COL18A1: variants seen among roughly 807,000 people sequenced by gnomAD.
COL18A1 encodes the protein collagen alpha-1(XVIII) chain.
COL18A1 carries 133 observed loss-of-function variants against 168.0 expected under a neutral mutation model. The observed-to-expected ratio is 0.79, with a 90% CI of 0.69 to 0.91. The LOEUF is 0.91. COL18A1 is among the 40% of genes least tolerant of loss of function. COL18A1 has a pLI of 0.00. For synonymous variants in COL18A1, 949 were observed against 809.0 expected (o/e 1.17, Z -2.94); for missense variants, 2,126 against 1,925.4 (o/e 1.10, Z -1.95).
At chr21:45,479,629 C>A (rs1239303174) in intron 9 of COL18A1, among the ~76,000 whole-genome samples, 5 of 152,122 alleles carry the variant, frequency 3.3e-5, no homozygotes, top group Non-Finnish European at 7.4e-5. Flanking sequence ...GTATGTAACA[C>A]CCAAGCACCA....
intron 37 of COL18A1, 75 bp downstream of exon 37, chr21:45,506,041 A>G (rs745472433): frequency 6.2e-7 from 1 of 1,607,848 alleles, no homozygotes; most frequent in Non-Finnish European, 8.5e-7. Context: ...GGAAGGCGAG[A>G]GGCTCAGGCC....
chr21:45,426,101 G>A (rs991861300), intron 2 of COL18A1, among the ~76,000 whole-genome samples: 1 of 151,960 alleles, frequency 6.6e-6, no homozygotes, highest in Non-Finnish European at 1.5e-5. Context: ...AGTGACTTTC[G>A]AGTTACTTTT....
chr21:45,452,470 TGTAC>T (rs2034643938), intron 2 of COL18A1, among the ~76,000 whole-genome samples: 2 of 151,122 alleles, frequency 1.3e-5, no homozygotes, highest in Admixed American at 1.3e-4. Context: ...TGAGCATATA[TGTAC>T]GTGTGTGTTT....
intron 2 of COL18A1, among the ~76,000 whole-genome samples, chr21:45,416,932 T>G (rs1184595296): frequency 6.6e-6 from 1 of 152,240 alleles, no homozygotes; most frequent in Non-Finnish European, 1.5e-5. Flanking sequence ...GTGACAGTGC[T>G]TTCAGTGTCA....
chr21:45,452,225 A>G lies in COL18A1; in HGVS notation c.107-16017A>G, dbSNP rs551744577. On this transcript the variant is annotated intron_variant, in intron 2 of 41. Transcript: ENST00000651438. ...GGGAAGGAGGCCTGGATCCCTGGCC[A>G]TGCTGCTAGCAGGACTTGGGCAACA... is the stretch of plus-strand genomic sequence containing the variant. Among the ~76,000 whole-genome samples, 176 of 152,352 alleles carry G rather than the reference A, an allele frequency of 1.2e-3. 4 individuals carry two copies. The South Asian group carries it at 0.035, about 31-fold the overall frequency.
At chr21:45,486,069 C>T (rs184250486) in intron 15 of COL18A1, among the ~76,000 whole-genome samples, 2 of 152,348 alleles carry the variant, frequency 1.3e-5, no homozygotes, top group East Asian at 3.9e-4. Context: ...ACGCCCCCCA[C>T]ACCGGGCTCT....
At chr21:45,426,249 C>T (rs1423723203) in intron 2 of COL18A1, among the ~76,000 whole-genome samples, 1 of 152,152 alleles carries the variant, frequency 6.6e-6, no homozygotes, top group Non-Finnish European at 1.5e-5. Context: ...GAATTACAGG[C>T]GCCCGCCACC....
rs78555948 is a variant in COL18A1 at position 45,503,900 on chromosome 21, C to G, written c.2684-111C>G. 2.7e-5 allele frequency: 30 copies of G among 1,114,938 alleles called. No homozygotes were observed. In the East Asian group the frequency reaches 5.4e-4, roughly 20 times the overall value. 69.1% of individuals were successfully genotyped at this position (1,114,938 alleles called of 1,614,324 possible). ...CTAATTAAATACGCGATCTCTACCGCGAAATGGCTAGAAGGGCCTCAGGCA... is the reference window on the plus strand; with the variant it reads ...CTAATTAAATACGCGATCTCTACCGGGAAATGGCTAGAAGGGCCTCAGGCA... On this transcript the variant is annotated intron_variant, in intron 32 of 41. Transcript: ENST00000651438.
chr21:45,454,374 G>T (rs972550826), intron 2 of COL18A1, among the ~76,000 whole-genome samples: 8 of 152,182 alleles, frequency 5.3e-5, no homozygotes, highest in African/African-American at 1.9e-4. Flanking sequence ...CTGGGGGAGG[G>T]TGGCTGCAAC....
chr21:45,477,365 G>A, intron 6 of COL18A1, 46 bp from the exon 7 acceptor site: 2 of 1,538,584 alleles, frequency 1.3e-6, no homozygotes, highest in Non-Finnish European at 1.8e-6. Context: ...CAGAGCTGGG[G>A]CCACCCGGGG....
rs766174875 is a variant in COL18A1 at position 45,509,571 on chromosome 21, C to A, written c.3465C>A (p.Pro1155=). Residue 1155 remains proline (P), a synonymous_variant, in exon 39 of 42, where the codon CCC becomes CCA. Coordinates refer to ENST00000651438, the MANE Select transcript of COL18A1 (RefSeq NM_001379500.1). ...HLRPARPTSP[P]AHSHRDFQPV... Reference sequence around the variant, plus strand: ...GGCCGGCGCGACCCACAAGCCCACCCGCCCACAGCCACCGCGACTTCCAGC... The same window carrying A: ...GGCCGGCGCGACCCACAAGCCCACCAGCCCACAGCCACCGCGACTTCCAGC... The A allele has an allele frequency of 3.3e-6, 5 of 1,528,968 alleles. No individual in the cohort carries two copies. In the South Asian group the frequency reaches 5.9e-5, roughly 18 times the overall value. 94.7% of individuals were successfully genotyped at this position (1,528,968 alleles called of 1,614,324 possible).
At chr21:45,413,332 C>T (rs756298708) in intron 2 of COL18A1, among the ~76,000 whole-genome samples, 5 of 152,246 alleles carry the variant, frequency 3.3e-5, no homozygotes, top group Admixed American at 6.5e-5. Flanking sequence ...GCTACGTGTC[C>T]GCAGGCCAGG....
chr21:45,469,931 A>G (rs962013776), intron 3 of COL18A1, among the ~76,000 whole-genome samples: 1 of 152,086 alleles, frequency 6.6e-6, no homozygotes, highest in South Asian at 2.1e-4. Flanking sequence ...GATCACAAAC[A>G]TGATTACCGG....
rs968836527 is a variant in COL18A1 at position 45,491,710 on chromosome 21, C to T, written c.2157+396C>T. 2.6e-5 allele frequency among the ~76,000 whole-genome samples: 4 copies of T among 152,212 alleles called. No individual in the cohort carries two copies. In the South Asian group the frequency reaches 6.2e-4, roughly 24 times the overall value. Reference sequence around the variant, plus strand: ...GTTGTGTTGGTTCCGGAACCTTCCTCCCCCACTGCGGCCCGTCCATCAGGC... The same window carrying T: ...GTTGTGTTGGTTCCGGAACCTTCCTTCCCCACTGCGGCCCGTCCATCAGGC... On this transcript the variant is annotated intron_variant, in intron 22 of 41. Transcript: ENST00000651438.
In COL18A1 at chr21:45,510,987, C is replaced by A; in HGVS notation, c.3694-124C>A. The stretch of plus-strand genomic sequence containing the variant: ...TACACCCCCAAACACCCCCCACACC[C>A]CACACACACAACACACCCCCCCCCC... On this transcript the variant is annotated intron_variant, in intron 40 of 41. Coordinates refer to ENST00000651438, the MANE Select transcript of COL18A1 (RefSeq NM_001379500.1). 1.4e-3 allele frequency: 55 copies of A among 38,660 alleles called. 15 individuals carry two copies. The highest frequency in any genetic ancestry group is 5.4e-3 in the South Asian group (24 of 4,472). 2.4% of individuals were successfully genotyped at this position (38,660 alleles called of 1,614,324 possible).
At chr21:45,460,844 T>G (rs2035016756) in intron 2 of COL18A1, among the ~76,000 whole-genome samples, 1 of 152,218 alleles carries the variant, frequency 6.6e-6, no homozygotes, top group Non-Finnish European at 1.5e-5. Context: ...GACTCAGCAT[T>G]TAACTCCTAC....
intron 37 of COL18A1, chr21:45,506,470 G>C: frequency 3.8e-6 from 1 of 263,458 alleles, no homozygotes; most frequent in Admixed American, 5.0e-5. Flanking sequence ...AGACACACCT[G>C]GGATTGCCCC....
chr21:45,496,689 C>T lies in COL18A1; in HGVS notation c.2577+121C>T, dbSNP rs1428791897. 11 of 741,658 alleles carry T rather than the reference C, an allele frequency of 1.5e-5. No homozygotes were observed. The East Asian group carries it at 1.5e-4, about 10-fold the overall frequency. 45.9% of individuals were successfully genotyped at this position (741,658 alleles called of 1,614,324 possible). Reference sequence around the variant, plus strand: ...GTCTGGGGGTCCTTCTAGGATGTGCCAGTCTGGTGGGCAGTGGATTAGCAG... The same window carrying T: ...GTCTGGGGGTCCTTCTAGGATGTGCTAGTCTGGTGGGCAGTGGATTAGCAG... On this transcript the variant is annotated intron_variant, in intron 30 of 41. Transcript: ENST00000651438.
At chr21:45,452,935 CAT>C (rs1342417472) in intron 2 of COL18A1, among the ~76,000 whole-genome samples, 36 of 151,160 alleles carry the variant, frequency 2.4e-4, no homozygotes, top group African/African-American at 5.3e-4. Context: ...TCACATGTGA[CAT>C]GTGAGCATGT....
Sources: allele counts gnomAD v4.1 joint callset (sites outside exome capture counted in the v4.1 genomes callset), GRCh38; gene constraint gnomAD v4.1.1; transcripts MANE v1.5; gene names NCBI Gene and HGNC (gene_info 2026-07-23, HGNC 2026-07-21).